CELF4: variants seen among roughly 807,000 people sequenced by gnomAD.
CELF4 encodes the protein CUGBP Elav-like family member 4.
Under a neutral mutation model 59.9 loss-of-function variants are expected in CELF4, and 18 were observed. The observed-to-expected ratio is 0.30, with a 90% CI of 0.21 to 0.45. CELF4 has a LOEUF of 0.45. Ranked by LOEUF, CELF4 falls within the 20% of genes least tolerant of loss-of-function variation. CELF4 has a pLI of 1.00. For missense variants in CELF4, 456 were observed against 689.0 expected, an observed-to-expected ratio of 0.66 and a Z score of 3.79; for synonymous variants, 261 against 267.1, an observed-to-expected ratio of 0.98 and a Z score of 0.22.
At chr18:37,521,949 C>T (rs1158651855) in intron 1 of CELF4, among the ~76,000 whole-genome samples, 1 of 152,234 alleles carries the variant, frequency 6.6e-6, no homozygotes, top group African/African-American at 2.4e-5. Context: ...TCTGCTCCAC[C>T]TCCACCGTGC....
At chr18:37,271,924 G>C (rs555777132) in intron 7 of CELF4, among the ~76,000 whole-genome samples, 2 of 152,306 alleles carry the variant, frequency 1.3e-5, no homozygotes, top group African/African-American at 4.8e-5. Flanking sequence ...GCTGGAAAGG[G>C]CCTTCCTCTC....
intron 1 of CELF4, among the ~76,000 whole-genome samples, chr18:37,500,664 G>A (rs1013936944): frequency 6.6e-6 from 1 of 151,702 alleles, no homozygotes; most frequent in African/African-American, 2.4e-5. Flanking sequence ...CTCCCGAGTA[G>A]TTGGGACTAC....
chr18:37,403,456 C>T (rs1364847953), intron 2 of CELF4, among the ~76,000 whole-genome samples: 1 of 152,156 alleles, frequency 6.6e-6, no homozygotes, highest in African/African-American at 2.4e-5. Flanking sequence ...CCTCCAGTCA[C>T]ACAAGGCCCA....
intron 2 of CELF4, among the ~76,000 whole-genome samples, chr18:37,378,141 T>G (rs1169797144): frequency 6.6e-6 from 1 of 152,130 alleles, no homozygotes; most frequent in Non-Finnish European, 1.5e-5. Context: ...GTTGACCCTC[T>G]CCCCAGTTCT....
intron 2 of CELF4, among the ~76,000 whole-genome samples, chr18:37,337,893 T>C (rs2097832866): frequency 6.6e-6 from 1 of 152,230 alleles, no homozygotes; most frequent in African/African-American, 2.4e-5. Flanking sequence ...CAGTTCTCCC[T>C]GAAATGCCTG....
intron 1 of CELF4, among the ~76,000 whole-genome samples, chr18:37,540,296 C>CCTG (rs1182290739): frequency 6.6e-6 from 1 of 152,244 alleles, no homozygotes; most frequent in Non-Finnish European, 1.5e-5. Context: ...CTCCCAGGTA[C>CCTG]CTGGGTGAAT....
chr18:37,439,807 T>G (rs558831034), intron 2 of CELF4, among the ~76,000 whole-genome samples: 1 of 152,318 alleles, frequency 6.6e-6, no homozygotes, highest in Admixed American at 6.5e-5. Context: ...GGGCAGGGGC[T>G]AGTGTATGCC....
intron 10 of CELF4, among the ~76,000 whole-genome samples, chr18:37,263,363 C>T (rs2075860517): frequency 6.6e-6 from 1 of 152,136 alleles, no homozygotes; most frequent in African/African-American, 2.4e-5. Flanking sequence ...ACTCTTGAGG[C>T]TCTTTCCAGG....
chr18:37,366,321 A>T (rs2098782371), intron 2 of CELF4, among the ~76,000 whole-genome samples: 1 of 152,212 alleles, frequency 6.6e-6, no homozygotes, highest in Non-Finnish European at 1.5e-5. Flanking sequence ...ACATCCACAA[A>T]GACACTCAAG....
intron 2 of CELF4, among the ~76,000 whole-genome samples, chr18:37,348,861 C>A (rs559672541): frequency 1.2e-4 from 19 of 152,154 alleles, no homozygotes; most frequent in Non-Finnish European, 2.4e-4. Flanking sequence ...AAGAAGCAGT[C>A]ACTCAAGGCC....
chr18:37,476,194 G>A (rs2099848499), intron 2 of CELF4, among the ~76,000 whole-genome samples: 1 of 152,252 alleles, frequency 6.6e-6, no homozygotes, highest in African/African-American at 2.4e-5. Flanking sequence ...ACTCAGACCT[G>A]GAAAGGTTGG....
chr18:37,367,845 C>A (rs181076275), intron 2 of CELF4, among the ~76,000 whole-genome samples: 1 of 152,202 alleles, frequency 6.6e-6, no homozygotes, highest in South Asian at 2.1e-4. Flanking sequence ...TCTCTCCTAA[C>A]GCTGCTGCGT....
rs1402712195 is a variant in CELF4 at position 37,243,127 on chromosome 18, G to A, written c.*2115C>T. The A allele has an allele frequency of 6.6e-6, 1 of 150,376 alleles. No individual in the cohort carries two copies. The highest frequency in any genetic ancestry group is 2.0e-4 in the East Asian group (1 of 5,116). 9.3% of individuals were successfully genotyped at this position (150,376 alleles called of 1,614,324 possible). ...AGGTTACAAGGAGTTTTAGGGAGTTGAGTGTGAAAAGAGCAGTTGTACTGA... is the reference window on the plus strand; with the variant it reads ...AGGTTACAAGGAGTTTTAGGGAGTTAAGTGTGAAAAGAGCAGTTGTACTGA... On this transcript the variant is annotated 3_prime_UTR_variant, in exon 13 of 13. Transcript: ENST00000420428.
intron 6 of CELF4, chr18:37,273,884 G>A: frequency 9.8e-7 from 1 of 1,015,262 alleles, no homozygotes; most frequent in African/African-American, 1.7e-5. Context: ...GGGCTTTAGG[G>A]CACCTCACAG....
At position 37,361,471 on chromosome 18, in the gene CELF4, C is replaced by T. The variant is rs143274937; in HGVS notation, c.370-39590G>A. Among the ~76,000 whole-genome samples, 584 of 152,236 alleles carry T rather than the reference C, an allele frequency of 3.8e-3. 2 individuals carry two copies. In the East Asian group the frequency reaches 0.047, roughly 12 times the overall value. ...TAACCGCATGCAGCTGCCCCATTAG[C>T]GAAGTTATTTAGACTTTTGTGTTAA... On this transcript the variant is annotated intron_variant, in intron 2 of 12. Coordinates refer to ENST00000420428, the MANE Select transcript of CELF4 (RefSeq NM_020180.4).
intron 1 of CELF4, among the ~76,000 whole-genome samples, chr18:37,520,524 G>A (rs2099956141): frequency 6.6e-6 from 1 of 151,974 alleles, no homozygotes; most frequent in African/African-American, 2.4e-5. Context: ...ACAGGCTTCG[G>A]GTTGCTCTCT....
At chr18:37,565,207 T>C (rs1485496418) in intron 1 of CELF4, 149 bp downstream of exon 1, 11 of 775,690 alleles carry the variant, frequency 1.4e-5, no homozygotes, top group Middle Eastern at 3.9e-4. Context: ...ACCCCAGCTC[T>C]GGTCTCCGCT....
chr18:37,271,254 C>CTTT lies in CELF4; in HGVS notation c.950-340_950-338dup, dbSNP rs34833771. Among the ~76,000 whole-genome samples the CTTT allele has an allele frequency of 3.1e-3, 322 of 105,548 alleles. 8 individuals are homozygous for CTTT. Among genetic ancestry groups the CTTT allele is most frequent in the African/African-American group, 5.6e-3 (141 of 25,380 alleles). 69.2% of individuals were successfully genotyped at this position (105,548 alleles called of 152,430 possible). On this transcript the variant is annotated intron_variant, in intron 7 of 12. Coordinates refer to ENST00000420428, the MANE Select transcript of CELF4 (RefSeq NM_020180.4). ...AACCACACTTGGTCTTCCTTCAGTCCTTTTTTTTTTTTTTTTTTTTTTTGT... is the reference window on the plus strand; with the variant it reads ...AACCACACTTGGTCTTCCTTCAGTCCTTTTTTTTTTTTTTTTTTTTTTTTTTGT...
intron 1 of CELF4, among the ~76,000 whole-genome samples, chr18:37,521,819 A>G (rs560038830): frequency 6.6e-6 from 1 of 152,310 alleles, no homozygotes; most frequent in South Asian, 2.1e-4. Flanking sequence ...GCAGGCAGGA[A>G]GGCTTGAGGA....
Sources: allele counts gnomAD v4.1 joint callset (sites outside exome capture counted in the v4.1 genomes callset), GRCh38; gene constraint gnomAD v4.1.1; transcripts MANE v1.5; gene names NCBI Gene and HGNC (gene_info 2026-07-23, HGNC 2026-07-21).